ENTPD1: variants seen among roughly 807,000 people sequenced by gnomAD.
The protein encoded by ENTPD1 is ectonucleoside triphosphate diphosphohydrolase 1.
Under a neutral mutation model 57.0 loss-of-function variants are expected in ENTPD1, and 33 were observed. The ratio of observed to expected loss-of-function variants is 0.58; its 90% CI spans 0.44 to 0.77. The LOEUF (loss-of-function observed/expected upper bound fraction) is 0.77, where lower values mean the gene tolerates loss of function less well. ENTPD1 is among the 30% of genes least tolerant of loss of function. The pLI is 0.00. For synonymous variants in ENTPD1, 202 were observed against 218.8 expected (o/e 0.92, Z 0.68); for missense variants, 501 against 603.4 (o/e 0.83, Z 1.78).
intron 8 of ENTPD1, 148 bp downstream of exon 8, chr10:95,860,730 G>T (rs1305684084): frequency 4.9e-5 from 34 of 696,486 alleles, no homozygotes; most frequent in Non-Finnish European, 8.0e-5. Context: ...ACTCAGGAAT[G>T]AATTTATCAG....
Position 95,823,223 on chromosome 10 carries a change from G to C in ENTPD1, c.17-14G>C. The C allele has an allele frequency of 6.2e-7, 1 of 1,613,764 alleles. No individual in the cohort carries two copies. Among genetic ancestry groups the C allele is most frequent in the Non-Finnish European group, 8.5e-7 (1 of 1,179,804 alleles). On this transcript the variant is annotated splice_polypyrimidine_tract_variant and intron_variant, in intron 1 of 9. Coordinates refer to ENST00000371205, the MANE Select transcript of ENTPD1 (RefSeq NM_001776.6). ...TTTCTTGTTGGTATTTTTTTCTTCT[G>C]CTTTTGGTTTTAGAGTCTAACGTGA... is the stretch of plus-strand genomic sequence containing the variant.
chr10:95,698,055 T>C, the ENTPD1 span, among the ~76,000 whole-genome samples: 3 of 152,192 alleles, frequency 2.0e-5, no homozygotes, highest in South Asian at 6.2e-4. Flanking sequence ...CTTAGAGATT[T>C]GTTAAATGAT....
intron 1 of ENTPD1, among the ~76,000 whole-genome samples, chr10:95,725,435 A>G (rs1281504539): frequency 6.6e-6 from 1 of 152,150 alleles, no homozygotes; most frequent in Non-Finnish European, 1.5e-5. Context: ...TACTGGACAT[A>G]TGAACTAATA....
At chr10:95,864,689 A>G in intron 8 of ENTPD1, 35 bp from the exon 9 acceptor site, 1 of 1,613,980 alleles carries the variant, frequency 6.2e-7, no homozygotes, top group African/African-American at 1.3e-5. Flanking sequence ...GGTGCCTATC[A>G]TACGAGTATG....
At chr10:95,706,974 G>A (rs1019973112), upstream of ENTPD1, among the ~76,000 whole-genome samples, 2 of 152,236 alleles carry the variant, frequency 1.3e-5, no homozygotes, top group Non-Finnish European at 2.9e-5. Context: ...GGGAGCAGAC[G>A]CTCCTAAGCC....
At chr10:95,776,470 A>G (rs2098134433) in intron 1 of ENTPD1, among the ~76,000 whole-genome samples, 1 of 152,094 alleles carries the variant, frequency 6.6e-6, no homozygotes, top group Non-Finnish European at 1.5e-5. Context: ...ATTGGCCCCC[A>G]CTCTCTTCTG....
intron 1 of ENTPD1, among the ~76,000 whole-genome samples, chr10:95,760,875 G>A (rs954218855): frequency 5.6e-5 from 7 of 125,890 alleles, no homozygotes; most frequent in Admixed American, 9.9e-5. Context: ...TGTCGCCCAG[G>A]CTGGAGTGCA....
At chr10:95,744,686 A>G (rs2098004217) in intron 1 of ENTPD1, among the ~76,000 whole-genome samples, 1 of 150,950 alleles carries the variant, frequency 6.6e-6, no homozygotes, top group Non-Finnish European at 1.5e-5. Context: ...AGGTTTTTTC[A>G]CACATTTGTA....
intron 1 of ENTPD1, among the ~76,000 whole-genome samples, chr10:95,782,982 C>G (rs775717929): frequency 4.6e-5 from 7 of 152,050 alleles, no homozygotes; most frequent in Admixed American, 6.6e-5. Context: ...TTGCTTTGCT[C>G]TTTAGCTTCA....
At chr10:95,713,011 G>A (rs951834472) in intron 1 of ENTPD1, among the ~76,000 whole-genome samples, 1 of 149,410 alleles carries the variant, frequency 6.7e-6, no homozygotes, top group African/African-American at 2.4e-5. Context: ...TCCAGACTGG[G>A]CGACAGAGCG....
the ENTPD1 span, among the ~76,000 whole-genome samples, chr10:95,700,791 T>C: frequency 6.6e-6 from 1 of 151,452 alleles, no homozygotes. Flanking sequence ...TTAAGAAGTA[T>C]ATTCTTTTTT....
At chr10:95,723,609 T>G (rs2097980202) in intron 1 of ENTPD1, among the ~76,000 whole-genome samples, 1 of 151,920 alleles carries the variant, frequency 6.6e-6, no homozygotes, top group African/African-American at 2.4e-5. Context: ...TAAGGAGAAT[T>G]TTGGGGCTAC....
rs1241819509 is a variant in ENTPD1 at position 95,872,717 on chromosome 10, C to G, written c.*6334C>G. The G allele has an allele frequency of 1.0e-6, 1 of 985,340 alleles. No individual in the cohort carries two copies. The allele number at this position is 985,340 out of a possible 1,614,324, so 61.0% of individuals were successfully genotyped here. On this transcript the variant is annotated 3_prime_UTR_variant, in exon 10 of 10. Coordinates refer to ENST00000371205, the MANE Select transcript of ENTPD1 (RefSeq NM_001776.6). The stretch of plus-strand genomic sequence containing the variant: ...TAGTTCTAGCCAACCTCCCTGTCCA[C>G]TGCCAGGCCGACTACAAACCCTTCT...
Position 95,868,230 on chromosome 10 carries a change from T to C in ENTPD1, c.*1847T>C. On this transcript the variant is annotated 3_prime_UTR_variant, in exon 10 of 10. Coordinates refer to ENST00000371205, the MANE Select transcript of ENTPD1 (RefSeq NM_001776.6). ...AAGCCTACCATGTACCTAACCTTTA[T>C]TTTCTTTCCCGAACATACCAGGCTG... The C allele has an allele frequency of 3.0e-6, 3 of 985,462 alleles. No homozygotes were observed. Among genetic ancestry groups the C allele is most frequent in the Non-Finnish European group, 3.6e-6 (3 of 829,944 alleles). The allele number at this position is 985,462 out of a possible 1,614,324, so 61.0% of individuals were successfully genotyped here.
intron 1 of ENTPD1, among the ~76,000 whole-genome samples, chr10:95,799,384 G>C (rs1316403112): frequency 1.3e-5 from 2 of 152,124 alleles, no homozygotes; most frequent in East Asian, 3.9e-4. Flanking sequence ...TTATAAGTGA[G>C]AATATGTGGC....
At chr10:95,862,037 CTT>C (rs1374249902) in intron 8 of ENTPD1, among the ~76,000 whole-genome samples, 2 of 151,944 alleles carry the variant, frequency 1.3e-5, no homozygotes, top group African/African-American at 4.8e-5. Flanking sequence ...GGTTTCCTCT[CTT>C]ATCCACATCT....
intron 2 of ENTPD1, among the ~76,000 whole-genome samples, chr10:95,836,383 A>C (rs2098409768): frequency 6.6e-6 from 1 of 152,176 alleles, no homozygotes; most frequent in Admixed American, 6.5e-5. Flanking sequence ...CGCATTCAAA[A>C]AAGACTTGGA....
intron 1 of ENTPD1, among the ~76,000 whole-genome samples, chr10:95,728,568 C>T (rs2097986070): frequency 6.6e-6 from 1 of 152,082 alleles, no homozygotes; most frequent in Admixed American, 6.6e-5. Context: ...TTTTATGGAT[C>T]CCACGGTGTT....
Position 95,847,654 on chromosome 10 carries a change from C to G in ENTPD1, c.1022C>G (p.Ser341Cys), listed in dbSNP as rs2098438099. The change falls in exon 7 of 10, where the codon TCC (serine) becomes TGC (cysteine). Residue 341 changes from serine (S) to cysteine (C), a missense_variant. Physicochemically the swap from Ser to Cys is moderately radical, Grantham distance 112 (BLOSUM62 -1). Coordinates refer to ENST00000371205, the MANE Select transcript of ENTPD1 (RefSeq NM_001776.6). Reference sequence around the variant, plus strand: ...TTCAACACCAGTTACTGCCCTTACTCCCAGTGTGCCTTCAATGGGATTTTC... The same window carrying G: ...TTCAACACCAGTTACTGCCCTTACTGCCAGTGTGCCTTCAATGGGATTTTC... ...ELFNTSYCPY[S>C]QCAFNGIFLP... 1.9e-6 allele frequency: 3 copies of G among 1,614,206 alleles called. No homozygotes were observed.
Sources: allele counts gnomAD v4.1 joint callset (sites outside exome capture counted in the v4.1 genomes callset), GRCh38; gene constraint gnomAD v4.1.1; transcripts MANE v1.5; gene names NCBI Gene and HGNC (gene_info 2026-07-23, HGNC 2026-07-21).